The following MED13 variants were observed in gnomAD, a reference collection of about 807,000 sequenced individuals.
MED13 encodes mediator complex subunit 13.
In MED13, 23 loss-of-function variants were observed where a neutral mutation model predicts 225.2. The observed-to-expected ratio is 0.10, with a 90% CI of 0.07 to 0.14. MED13 has a LOEUF of 0.14. Among genes scored for constraint, MED13 ranks in the 10% least tolerant of loss-of-function variants. The pLI is 1.00. For synonymous variants in MED13, 942 were observed against 889.2 expected, an observed-to-expected ratio of 1.06 and a Z score of -1.06; for missense variants, 2,197 against 2,594.5, an observed-to-expected ratio of 0.85 and a Z score of 3.33.
chr17:61,967,696 A>C (rs894146107), intron 18 of MED13, among the ~76,000 whole-genome samples: 2 of 152,204 alleles, frequency 1.3e-5, no homozygotes, highest in Non-Finnish European at 2.9e-5. Flanking sequence ...CTGAAATCCT[A>C]GAGAATAAAG....
rs2079939013 is a variant in MED13, at chr17:61,955,855, T to TGAAA, written c.5624-18_5624-17insTTTC. The TGAAA allele has an allele frequency of 1.4e-6, 1 of 719,990 alleles. No individual in the cohort carries two copies. The highest frequency in any genetic ancestry group is 4.7e-5 in the African/African-American group (1 of 21,312). The allele number at this position is 719,990 out of a possible 1,614,324, so 44.6% of individuals were successfully genotyped here. A position where few individuals can be genotyped will look rare whatever the true frequency, so the allele number is the denominator to read the frequency against. ...AGCTCCAATCTGTGGGTATCAACAG[T>TGAAA]AAAAAAAAAAAAAAAAAAAAAAAAA... On this transcript the variant is annotated splice_polypyrimidine_tract_variant and intron_variant, in intron 24 of 29. Transcript: ENST00000397786.
At chr17:62,002,618 T>C (rs1036943962) in intron 9 of MED13, among the ~76,000 whole-genome samples, 1 of 152,228 alleles carries the variant, frequency 6.6e-6, no homozygotes, top group African/African-American at 2.4e-5. Context: ...ACAACTATTA[T>C]TTTGATCCTT....
At chr17:61,958,487 T>C (rs530446444) in intron 23 of MED13, among the ~76,000 whole-genome samples, 2 of 152,074 alleles carry the variant, frequency 1.3e-5, no homozygotes, top group African/African-American at 2.4e-5. Flanking sequence ...TACAGGCGTG[T>C]ACGACCACAC....
intron 23 of MED13, among the ~76,000 whole-genome samples, chr17:61,957,524 A>G (rs1047110550): frequency 5.3e-5 from 8 of 151,194 alleles, no homozygotes; most frequent in Admixed American, 2.0e-4. Context: ...TAATTTTTGT[A>G]TTTTTAGTAG....
intron 17 of MED13, among the ~76,000 whole-genome samples, chr17:61,968,820 C>T (rs193216114): frequency 9.9e-5 from 15 of 152,262 alleles, no homozygotes; most frequent in African/African-American, 3.4e-4. Flanking sequence ...GGAACAATCA[C>T]GCCTTACTGC....
chr17:61,966,134 G>A (rs2080055999), intron 19 of MED13, among the ~76,000 whole-genome samples: 1 of 152,158 alleles, frequency 6.6e-6, no homozygotes, highest in Admixed American at 6.6e-5. Context: ...AACAAATGAA[G>A]AATCTTCAAG....
chr17:62,010,373 T>C (rs774753979), intron 9 of MED13, 177 bp downstream of exon 9: 9 of 423,982 alleles, frequency 2.1e-5, no homozygotes, highest in East Asian at 3.6e-5. Context: ...CTAAAGTTAT[T>C]TCATAATGAA....
intron 16 of MED13, among the ~76,000 whole-genome samples, chr17:61,977,218 C>G (rs1315071775): frequency 6.6e-6 from 1 of 152,002 alleles, no homozygotes; most frequent in African/African-American, 2.4e-5. Context: ...TAATAGTCCA[C>G]ACTATGGAAA....
intron 18 of MED13, among the ~76,000 whole-genome samples, chr17:61,966,879 T>A (rs2080063793): frequency 1.3e-5 from 2 of 152,074 alleles, no homozygotes; most frequent in Admixed American, 6.6e-5. Context: ...ATTCATTAAT[T>A]TTTTTTCAAA....
At chr17:62,048,553 G>T (rs927408292) in intron 3 of MED13, among the ~76,000 whole-genome samples, 1 of 152,042 alleles carries the variant, frequency 6.6e-6, no homozygotes, top group Non-Finnish European at 1.5e-5. Flanking sequence ...CAGAATTAGA[G>T]ATATTCAGAT....
chr17:61,976,907 G>A (rs900478730), intron 16 of MED13, among the ~76,000 whole-genome samples: 3 of 152,088 alleles, frequency 2.0e-5, no homozygotes, highest in African/African-American at 7.2e-5. Flanking sequence ...ACTCCAGCCT[G>A]GGCAACAGAG....
chr17:61,947,234 T>C (rs2079858487), intron 28 of MED13, among the ~76,000 whole-genome samples: 1 of 151,920 alleles, frequency 6.6e-6, no homozygotes, highest in Non-Finnish European at 1.5e-5. Flanking sequence ...GTTCTTGTTC[T>C]GTTGACCAGG....
At chr17:62,063,356 G>C (rs1423320596) in intron 1 of MED13, 55 bp from the exon 2 acceptor site, 1 of 1,135,526 alleles carries the variant, frequency 8.8e-7, no homozygotes, top group Non-Finnish European at 1.3e-6. Context: ...AAAGTCAAAA[G>C]TACTCAATAT....
intron 3 of MED13, among the ~76,000 whole-genome samples, chr17:62,051,740 C>A (rs760283312): frequency 1.3e-5 from 2 of 152,186 alleles, no homozygotes; most frequent in Non-Finnish European, 2.9e-5. Context: ...CACTTCACAT[C>A]CTCTCACATC....
chr17:62,020,088 T>A (rs2080624338), intron 8 of MED13, among the ~76,000 whole-genome samples: 1 of 152,090 alleles, frequency 6.6e-6, no homozygotes, highest in African/African-American at 2.4e-5. Flanking sequence ...TTGAGCAATC[T>A]TTGTAAAAAA....
chr17:62,064,300 T>A (rs1245989296), intron 1 of MED13, among the ~76,000 whole-genome samples: 1 of 152,226 alleles, frequency 6.6e-6, no homozygotes, highest in East Asian at 1.9e-4. Context: ...TCTGAAAGCC[T>A]TAACTGTTGG....
intron 8 of MED13, among the ~76,000 whole-genome samples, chr17:62,022,236 C>T (rs1333956370): frequency 6.6e-6 from 1 of 151,000 alleles, no homozygotes; most frequent in African/African-American, 2.4e-5. Context: ...CAAGAGAATG[C>T]AGACTTCATA....
At chr17:61,954,131 G>A (rs1329425288) in intron 26 of MED13, among the ~76,000 whole-genome samples, 1 of 152,042 alleles carries the variant, frequency 6.6e-6, no homozygotes, top group Non-Finnish European at 1.5e-5. Flanking sequence ...AAGATAAGGA[G>A]GATTACTGTA....
chr17:61,983,070 G>C lies in MED13; in HGVS notation c.2933C>G (p.Pro978Arg). The C allele has an allele frequency of 2.5e-6, 4 of 1,613,472 alleles. No homozygotes were observed. The highest frequency in any genetic ancestry group is 3.4e-6 in the Non-Finnish European group (4 of 1,179,730). The change falls in exon 16 of 30, where the codon CCT (proline) becomes CGT (arginine). Residue 978 changes from proline to arginine, a missense_variant. This residue lies in a region of MED13 where 160 missense variants were observed against 184.8 expected (regional missense o/e 0.87). Coordinates refer to ENST00000397786, the MANE Select transcript of MED13 (RefSeq NM_005121.3). ...CATCCCAAAAGAAGTATGAGTTTGA[G>C]GTGTATAAGCAGTGCCATATTCTTG... ...MDQEYGTAYTPQTHTSFGMPP... is the reference protein window; with the variant it reads ...MDQEYGTAYTRQTHTSFGMPP...
Sources: allele counts gnomAD v4.1 joint callset (sites outside exome capture counted in the v4.1 genomes callset), GRCh38; gene constraint gnomAD v4.1.1; regional missense constraint gnomAD v4.1.1; transcripts MANE v1.5; gene names NCBI Gene and HGNC (gene_info 2026-07-23, HGNC 2026-07-21).